MAP3K13: variants seen among roughly 807,000 people sequenced by gnomAD.
MAP3K13 encodes the protein leucine zipper-bearing kinase.
Under a neutral mutation model 104.0 loss-of-function variants are expected in MAP3K13, and 52 were observed. That is an observed-to-expected ratio of 0.50 (90% confidence interval 0.40 to 0.63). The LOEUF (loss-of-function observed/expected upper bound fraction) is 0.63, where lower values mean the gene tolerates loss of function less well. Among genes scored for constraint, MAP3K13 ranks in the 20% least tolerant of loss-of-function variants. The probability of loss-of-function intolerance (pLI) is 0.00; values close to 1 mark genes in which losing one functional copy is unlikely to be tolerated. For missense variants in MAP3K13, 914 were observed against 1,218.5 expected, an observed-to-expected ratio of 0.75 and a Z score of 3.72; for synonymous variants, 394 against 442.2, an observed-to-expected ratio of 0.89 and a Z score of 1.37.
At chr3:185,361,256 CT>C (rs1052318780), upstream of MAP3K13, among the ~76,000 whole-genome samples, 2 of 151,320 alleles carry the variant, frequency 1.3e-5, no homozygotes, top group Non-Finnish European at 2.9e-5. Flanking sequence ...AAGTTTGCCT[CT>C]TTCCATTAGT....
chr3:185,292,011 G>C, intron 2 of MAP3K13: 1 of 1,006,226 alleles, frequency 9.9e-7, no homozygotes, highest in Non-Finnish European at 1.2e-6. Context: ...CCTATAAAAA[G>C]TTGAGTTAAC....
intron 2 of MAP3K13, among the ~76,000 whole-genome samples, chr3:185,306,105 A>T (rs1721281284): frequency 6.6e-6 from 1 of 152,226 alleles, no homozygotes; most frequent in Non-Finnish European, 1.5e-5. Flanking sequence ...TGCAAAGAAC[A>T]TGATTTCATC....
At chr3:185,389,222 A>T (rs879683842) in intron 1 of MAP3K13, among the ~76,000 whole-genome samples, 2 of 152,228 alleles carry the variant, frequency 1.3e-5, no homozygotes, top group Non-Finnish European at 2.9e-5. Context: ...TAGCCTTCCA[A>T]ATTTCTGTAC....
rs1223527241 is a variant in MAP3K13, at chr3:185,471,240, G to A, written c.1644-1735G>A. On this transcript the variant is annotated intron_variant, in intron 10 of 13. Transcript: ENST00000265026. The stretch of plus-strand genomic sequence containing the variant: ...AATAAGCAGATATTGTCATTATTTG[G>A]CCCTCCAGAAAGTCAACAAGCAAAA... 2.6e-5 allele frequency among the ~76,000 whole-genome samples: 4 copies of A among 151,096 alleles called. No homozygotes were observed. The East Asian group carries it at 7.7e-4, about 29-fold the overall frequency.
At chr3:185,481,254 G>C (rs1434561414) in intron 13 of MAP3K13, 1 of 152,636 alleles carries the variant, frequency 6.6e-6, no homozygotes, top group African/African-American at 2.4e-5. Flanking sequence ...GAGGCAGGAG[G>C]ATCACTTTAG....
At chr3:185,287,791 T>G (rs1720580508) in intron 2 of MAP3K13, among the ~76,000 whole-genome samples, 1 of 152,116 alleles carries the variant, frequency 6.6e-6, no homozygotes, top group South Asian at 2.1e-4. Context: ...ATCCTAGCAC[T>G]TTGGGAGGCC....
At chr3:185,349,165 C>G (rs1723045550) in intron 2 of MAP3K13, among the ~76,000 whole-genome samples, 1 of 151,260 alleles carries the variant, frequency 6.6e-6, no homozygotes. Flanking sequence ...GGCACATGTG[C>G]AGGTTTGTTA....
chr3:185,400,911 T>TG (rs1231023001), intron 1 of MAP3K13, among the ~76,000 whole-genome samples: 3 of 146,480 alleles, frequency 2.0e-5, no homozygotes, highest in African/African-American at 7.4e-5. Context: ...GTTTGTTTTT[T>TG]TTTTTTTTTT....
chr3:185,363,475 A>T, intron 1 of MAP3K13, 107 bp downstream of exon 1: 3 of 523,192 alleles, frequency 5.7e-6, no homozygotes, highest in Non-Finnish European at 7.4e-6. Flanking sequence ...ATTGAGGGCG[A>T]CACCGTGAGA....
upstream of MAP3K13, among the ~76,000 whole-genome samples, chr3:185,361,835 A>G (rs1723641289): frequency 6.6e-6 from 1 of 152,214 alleles, no homozygotes; most frequent in South Asian, 2.1e-4. Context: ...TTCCACAATA[A>G]GCTCCTTTAG....
At chr3:185,381,015 T>C (rs936774818) in intron 1 of MAP3K13, among the ~76,000 whole-genome samples, 2 of 150,832 alleles carry the variant, frequency 1.3e-5, no homozygotes, top group Non-Finnish European at 3.0e-5. Context: ...CAGGCTGGAG[T>C]GCAGTGGCAA....
chr3:185,363,764 G>A (rs950852064), intron 1 of MAP3K13, among the ~76,000 whole-genome samples: 1 of 152,250 alleles, frequency 6.6e-6, no homozygotes. Context: ...TATCCTGTGG[G>A]GCACTTGTCT....
At chr3:185,452,501 T>C (rs1014670102) in intron 7 of MAP3K13, among the ~76,000 whole-genome samples, 1 of 152,190 alleles carries the variant, frequency 6.6e-6, no homozygotes, top group African/African-American at 2.4e-5. Flanking sequence ...CCTCCCAAAC[T>C]GCTGGGATTA....
intron 2 of MAP3K13, among the ~76,000 whole-genome samples, chr3:185,326,953 G>A (rs1461100923): frequency 6.6e-6 from 1 of 152,140 alleles, no homozygotes; most frequent in Non-Finnish European, 1.5e-5. Context: ...AAAGGAGCTT[G>A]AAATTAAAGT....
rs1326156152 is a variant in MAP3K13, at chr3:185,482,461, G to A, written c.*5G>A. ...TACAGCTCTGCTACCTGGTAATGAA[G>A]GAATACACATCCTGAAGATCTCGTG... is the stretch of plus-strand genomic sequence containing the variant. On this transcript the variant is annotated 3_prime_UTR_variant, in exon 14 of 14. Transcript: ENST00000265026. The surrounding 1 kb of genome is among the most constrained non-coding windows in gnomAD (Gnocchi z 4.5). 2.5e-6 allele frequency: 4 copies of A among 1,600,122 alleles called. No homozygotes were observed. Among genetic ancestry groups the A allele is most frequent in the Non-Finnish European group, 3.4e-6 (4 of 1,167,556 alleles).
intron 8 of MAP3K13, among the ~76,000 whole-genome samples, chr3:185,464,465 G>A (rs1428096573): frequency 6.6e-6 from 1 of 152,108 alleles, no homozygotes; most frequent in Non-Finnish European, 1.5e-5. Flanking sequence ...GTGATAATGG[G>A]TGAGTTCTCA....
At chr3:185,367,782 G>A (rs1444249103) in intron 1 of MAP3K13, among the ~76,000 whole-genome samples, 1 of 152,038 alleles carries the variant, frequency 6.6e-6, no homozygotes, top group Admixed American at 6.5e-5. Flanking sequence ...TTTTTATAGA[G>A]ATGAGGTCTC....
chr3:185,331,353 C>T (rs1722269584), intron 2 of MAP3K13, among the ~76,000 whole-genome samples: 1 of 151,986 alleles, frequency 6.6e-6, no homozygotes, highest in African/African-American at 2.4e-5. Flanking sequence ...CCTTGGCCTC[C>T]CAAAGTGCTG....
At chr3:185,401,745 A>T (rs534868562) in intron 1 of MAP3K13, among the ~76,000 whole-genome samples, 1 of 152,370 alleles carries the variant, frequency 6.6e-6, no homozygotes, top group African/African-American at 2.4e-5. Flanking sequence ...GCATTGTAAT[A>T]AAATATAAAC....
Sources: gnomAD v4.1 joint callset for allele counts (sites outside exome capture counted in the v4.1 genomes callset) on GRCh38, gnomAD v4.1.1 for gene constraint, Gnocchi (gnomAD v3.1) non-coding constraint, MANE v1.5 for transcripts, NCBI Gene and HGNC (gene_info 2026-07-23, HGNC 2026-07-21) for gene names.